TUFT1: variants seen among roughly 807,000 people sequenced by gnomAD.
TUFT1 encodes tuftelin.
TUFT1 carries 43 observed loss-of-function variants against 57.8 expected under a neutral mutation model. The observed-to-expected ratio is 0.74, with a 90% CI of 0.58 to 0.96. The LOEUF (loss-of-function observed/expected upper bound fraction) is 0.96, where lower values mean the gene tolerates loss of function less well. Among genes scored for constraint, TUFT1 ranks in the 40% least tolerant of loss-of-function variants. The pLI is 0.00. For missense variants in TUFT1, 459 were observed against 489.0 expected (o/e 0.94, Z 0.58); for synonymous variants, 166 against 176.7 (o/e 0.94, Z 0.48).
chr1:151,577,362 C>G (rs1304911020), intron 9 of TUFT1, among the ~76,000 whole-genome samples: 1 of 152,132 alleles, frequency 6.6e-6, no homozygotes, highest in Non-Finnish European at 1.5e-5. Context: ...ATGCCTTGGT[C>G]TTTTCACTAG....
intron 12 of TUFT1, 137 bp downstream of exon 12, chr1:151,581,179 T>G (rs1024153663): frequency 1.2e-6 from 1 of 816,100 alleles, no homozygotes; most frequent in African/African-American, 1.7e-5. Flanking sequence ...TGACCCACTG[T>G]TTGCCGGAAC....
At chr1:151,571,206 G>C (rs1666239771) in intron 7 of TUFT1, among the ~76,000 whole-genome samples, 1 of 152,220 alleles carries the variant, frequency 6.6e-6, no homozygotes, top group Admixed American at 6.5e-5. Context: ...GAATTTTTGA[G>C]AAGAGGCTTG....
At chr1:151,564,202 A>G (rs1665990870) in intron 4 of TUFT1, among the ~76,000 whole-genome samples, 1 of 152,138 alleles carries the variant, frequency 6.6e-6, no homozygotes, top group South Asian at 2.1e-4. Context: ...TGGGCCCAGC[A>G]CTGTCCCAGC....
chr1:151,565,318 T>G (rs1351932639), intron 5 of TUFT1, among the ~76,000 whole-genome samples: 5 of 152,260 alleles, frequency 3.3e-5, no homozygotes, highest in Non-Finnish European at 5.9e-5. Flanking sequence ...AGCTGTCTCT[T>G]TGTGACTTCG....
intron 1 of TUFT1, among the ~76,000 whole-genome samples, chr1:151,542,148 T>C (rs557145990): frequency 6.6e-6 from 1 of 152,216 alleles, no homozygotes; most frequent in Non-Finnish European, 1.5e-5. Context: ...TAAGACCAAG[T>C]TGGCACTGGC....
intron 5 of TUFT1, chr1:151,565,935 C>T (rs576299520): frequency 5.4e-5 from 24 of 447,698 alleles, no homozygotes; most frequent in South Asian, 7.8e-5. Context: ...TCTCATGGAA[C>T]GCTAGAAATC....
intron 1 of TUFT1, among the ~76,000 whole-genome samples, chr1:151,552,017 C>A (rs1404686677): frequency 6.6e-6 from 1 of 152,156 alleles, no homozygotes; most frequent in African/African-American, 2.4e-5. Context: ...TACCACCTAC[C>A]TCCACCTCAA....
At chr1:151,562,487 G>T (rs1177407360) in intron 2 of TUFT1, 98 bp from the exon 3 acceptor site, 11 of 1,044,426 alleles carry the variant, frequency 1.1e-5, no homozygotes, top group Admixed American at 2.1e-5. Flanking sequence ...TGAGAAACAG[G>T]TCTTCTGCAT....
At chr1:151,579,444 G>A (rs1471480947) in intron 10 of TUFT1, among the ~76,000 whole-genome samples, 1 of 152,128 alleles carries the variant, frequency 6.6e-6, no homozygotes, top group African/African-American at 2.4e-5. Context: ...TTCTCAGGGT[G>A]GTATTCCCCT....
intron 1 of TUFT1, among the ~76,000 whole-genome samples, chr1:151,542,432 A>G (rs1489122777): frequency 2.0e-5 from 3 of 149,274 alleles, no homozygotes; most frequent in Non-Finnish European, 4.4e-5. Flanking sequence ...GGATTTCACC[A>G]TGTTGCCCAG....
In TUFT1 at chr1:151,582,224, C is replaced by T. The variant is rs1353037457; in HGVS notation, c.*517C>T. 2 of 456,002 alleles carry T rather than the reference C, an allele frequency of 4.4e-6. No individual in the cohort carries two copies. Among genetic ancestry groups the T allele is most frequent in the Non-Finnish European group, 8.8e-6 (2 of 226,882 alleles). The allele number at this position is 456,002 out of a possible 1,614,324, so 28.2% of individuals were successfully genotyped here. On this transcript the variant is annotated 3_prime_UTR_variant, in exon 13 of 13. Coordinates refer to ENST00000368849, the MANE Select transcript of TUFT1 (RefSeq NM_020127.3). ...CATCTGCAGCCTACGCTGCCCTGGC[C>T]TCCTGCAGACAGATAGTGGGGTTAC...
At position 151,579,685 on chromosome 1, in the gene TUFT1, G is replaced by T. The variant is rs754728864; in HGVS notation, c.961G>T (p.Ala321Ser). 14 of 1,614,028 alleles carry T rather than the reference G, an allele frequency of 8.7e-6. No homozygotes were observed. The highest frequency in any genetic ancestry group is 1.2e-5 in the Non-Finnish European group (14 of 1,180,008). The stretch of plus-strand genomic sequence containing the variant: ...AAAAGCTGTGATCCAGTCAAAGGAC[G>T]CCACCATCCAGGAGCTCAAGGAGAA... ...NSKAVIQSKD[A>S]TIQELKEKIA... The change falls in exon 11 of 13, where the codon GCC becomes TCC. Residue 321 changes from alanine (A) to serine (S), a missense_variant. Transcript: ENST00000368849.
Position 151,565,889 on chromosome 1 carries a change from C to T in TUFT1, c.415-274C>T, listed in dbSNP as rs111505287. 2.5e-4 allele frequency: 86 copies of T among 340,508 alleles called. 1 individual carries two copies. Among genetic ancestry groups the T allele is most frequent in the Middle Eastern group, 1.9e-3 (2 of 1,030 alleles). 21.1% of individuals were successfully genotyped at this position (340,508 alleles called of 1,614,324 possible). A position where few individuals can be genotyped will look rare whatever the true frequency, so the allele number is the denominator to read the frequency against. ...AAGACTTTCAAGGCCCTTTCAAGGC[C>T]GCATAACATCTCTCCACCCCCTCTT... On this transcript the variant is annotated intron_variant, in intron 5 of 12. Coordinates refer to ENST00000368849, the MANE Select transcript of TUFT1 (RefSeq NM_020127.3).
intron 1 of TUFT1, among the ~76,000 whole-genome samples, chr1:151,557,078 C>T (rs1367174121): frequency 1.3e-5 from 2 of 152,064 alleles, no homozygotes. Flanking sequence ...ATTAACTGAA[C>T]ACTTTTTAGG....
chr1:151,559,543 G>T (rs1665815745), intron 1 of TUFT1, among the ~76,000 whole-genome samples: 1 of 152,202 alleles, frequency 6.6e-6, no homozygotes, highest in Admixed American at 6.5e-5. Flanking sequence ...ATTGGATAGG[G>T]CACTGAGAGA....
At chr1:151,569,943 ACT>A in intron 7 of TUFT1, 173 bp downstream of exon 7, 2 of 574,288 alleles carry the variant, frequency 3.5e-6, no homozygotes, top group Non-Finnish European at 3.2e-6. Flanking sequence ...GGACGTTTAC[ACT>A]GTTTACTGTC....
At chr1:151,548,484 G>A (rs569470663) in intron 1 of TUFT1, among the ~76,000 whole-genome samples, 7 of 151,968 alleles carry the variant, frequency 4.6e-5, no homozygotes, top group Non-Finnish European at 8.8e-5. Context: ...TGTATTTTTA[G>A]TAGAGATGGG....
Position 151,540,312 on chromosome 1 carries a change from T to G in TUFT1, c.-55T>G, listed in dbSNP as rs762123711. 7.4e-6 allele frequency: 12 copies of G among 1,612,484 alleles called. No homozygotes were observed. The highest frequency in any genetic ancestry group is 1.7e-4 in the Middle Eastern group (1 of 5,892). On this transcript the variant is annotated 5_prime_UTR_variant, in exon 1 of 13. Coordinates refer to ENST00000368849, the MANE Select transcript of TUFT1 (RefSeq NM_020127.3). The stretch of plus-strand genomic sequence containing the variant: ...GCGGTTCCGCGCGCGCCCGCCCAGT[T>G]GGAGCCAGACAGCGGGGTGGACAAG...
rs1178035719 is a variant in TUFT1 at position 151,581,528 on chromosome 1, C to CA, written c.1110-115dup. The CA allele has an allele frequency of 2.4e-5, 23 of 957,268 alleles. No homozygotes were observed. The Admixed American group carries it at 4.7e-4, about 19-fold the overall frequency. The allele number at this position is 957,268 out of a possible 1,614,324, so 59.3% of individuals were successfully genotyped here. A position where few individuals can be genotyped will look rare whatever the true frequency, so the allele number is the denominator to read the frequency against. Reference sequence around the variant, plus strand: ...AGCACTTGGAACCCAAGTGATCAGCCAGCACTGCAGTGTAAGATTCCAGAG... The same window carrying CA: ...AGCACTTGGAACCCAAGTGATCAGCCAAGCACTGCAGTGTAAGATTCCAGAG... On this transcript the variant is annotated intron_variant, in intron 12 of 12. Transcript: ENST00000368849.
Sources: allele counts gnomAD v4.1 joint callset (sites outside exome capture counted in the v4.1 genomes callset), GRCh38; gene constraint gnomAD v4.1.1; transcripts MANE v1.5; gene names NCBI Gene and HGNC (gene_info 2026-07-23, HGNC 2026-07-21).